Variants in FSTL5 observed in about 807,000 individuals in gnomAD.
FSTL5 encodes the protein follistatin like 5, also known as follistatin-related protein 5.
Under a neutral mutation model 89.1 loss-of-function variants are expected in FSTL5, and 62 were observed. The ratio of observed to expected loss-of-function variants is 0.70; its 90% CI spans 0.57 to 0.86. The LOEUF is 0.86. Ranked by LOEUF, FSTL5 falls within the 40% of genes least tolerant of loss-of-function variation. The pLI is 0.00. For missense variants in FSTL5, 1,057 were observed against 1,001.6 expected, an observed-to-expected ratio of 1.06 and a Z score of -0.75; for synonymous variants, 383 against 346.2, an observed-to-expected ratio of 1.11 and a Z score of -1.18.
intron 6 of FSTL5, among the ~76,000 whole-genome samples, chr4:161,754,054 A>AAAAAC (rs1297283996): frequency 6.6e-6 from 1 of 150,478 alleles, no homozygotes; most frequent in East Asian, 1.9e-4. Flanking sequence ...TTAAAAAAAA[A>AAAAAC]AAAAAAAAAA....
At chr4:161,908,910 T>G (rs1298069930) in intron 4 of FSTL5, among the ~76,000 whole-genome samples, 1 of 152,094 alleles carries the variant, frequency 6.6e-6, no homozygotes, top group African/African-American at 2.4e-5. Flanking sequence ...TCAATCTCCT[T>G]TTTTTGGCAT....
At chr4:162,021,626 T>A (rs1313439598) in intron 3 of FSTL5, among the ~76,000 whole-genome samples, 1 of 152,108 alleles carries the variant, frequency 6.6e-6, no homozygotes, top group African/African-American at 2.4e-5. Context: ...TGAAATCATG[T>A]CTTCTACAGC....
intron 2 of FSTL5, among the ~76,000 whole-genome samples, chr4:162,109,748 G>A (rs998234274): frequency 1.3e-5 from 2 of 151,970 alleles, no homozygotes; most frequent in African/African-American, 4.8e-5. Context: ...TTTTTCTGCC[G>A]TTGATTTAAT....
At chr4:161,910,825 A>C (rs1733668226) in intron 4 of FSTL5, among the ~76,000 whole-genome samples, 1 of 152,086 alleles carries the variant, frequency 6.6e-6, no homozygotes, top group Non-Finnish European at 1.5e-5. Flanking sequence ...TTTCCACTTA[A>C]CTGGACTACA....
chr4:161,731,173 T>G (rs1739594823), intron 6 of FSTL5, among the ~76,000 whole-genome samples: 2 of 152,192 alleles, frequency 1.3e-5, no homozygotes, highest in Admixed American at 1.3e-4. Flanking sequence ...AATCTTGGTG[T>G]GTATACATAT....
intron 1 of FSTL5, among the ~76,000 whole-genome samples, chr4:162,126,076 G>T (rs572225809): frequency 1.7e-4 from 26 of 151,966 alleles, no homozygotes; most frequent in South Asian, 1.2e-3. Context: ...AAATTAATAA[G>T]AATAATAATT....
rs1184820118 is a variant in FSTL5, at chr4:161,423,162, G to T, written c.1841+31842C>A. ...GGAAACAGATTTCAAAGCCATATGG[G>T]ACAATCACCATTTCCCTCATATGGA... On this transcript the variant is annotated intron_variant, in intron 15 of 15. Transcript: ENST00000306100. Among the ~76,000 whole-genome samples, 4 of 152,192 alleles carry T rather than the reference G, an allele frequency of 2.6e-5. No homozygotes were observed. In the East Asian group the frequency reaches 5.8e-4, roughly 22 times the overall value.
chr4:161,479,829 A>T (rs1042499644), intron 13 of FSTL5, among the ~76,000 whole-genome samples: 2 of 152,210 alleles, frequency 1.3e-5, no homozygotes, highest in African/African-American at 2.4e-5. Context: ...TGGAAGTGCC[A>T]GCTCTTCATA....
chr4:162,107,995 T>A (rs556747004), intron 2 of FSTL5, among the ~76,000 whole-genome samples: 16 of 152,276 alleles, frequency 1.1e-4, no homozygotes, highest in African/African-American at 3.6e-4. Flanking sequence ...GATATGAGTA[T>A]GCAATATTTA....
chr4:161,617,727 T>C (rs1343494482), intron 7 of FSTL5, among the ~76,000 whole-genome samples: 1 of 152,160 alleles, frequency 6.6e-6, no homozygotes, highest in Non-Finnish European at 1.5e-5. Context: ...TGAAATGACA[T>C]CTTTAACTCA....
chr4:161,412,615 G>T (rs1351806528), intron 15 of FSTL5, among the ~76,000 whole-genome samples: 2 of 152,116 alleles, frequency 1.3e-5, no homozygotes, highest in Non-Finnish European at 2.9e-5. Context: ...AAACCTGCAG[G>T]TTGTGCATGT....
intron 6 of FSTL5, among the ~76,000 whole-genome samples, chr4:161,755,199 G>T (rs1428920159): frequency 6.6e-6 from 1 of 151,918 alleles, no homozygotes; most frequent in East Asian, 1.9e-4. Flanking sequence ...TTTTAAATAT[G>T]TTAGTAAAAA....
chr4:161,972,574 G>A (rs1412445450), intron 3 of FSTL5, among the ~76,000 whole-genome samples: 1 of 152,086 alleles, frequency 6.6e-6, no homozygotes, highest in African/African-American at 2.4e-5. Flanking sequence ...GGCCCCTAGT[G>A]GAACAGGCCC....
intron 15 of FSTL5, among the ~76,000 whole-genome samples, chr4:161,398,996 A>G (rs1731093316): frequency 1.3e-5 from 2 of 152,156 alleles, no homozygotes; most frequent in Non-Finnish European, 2.9e-5. Context: ...ACACGTTAAA[A>G]AATGTTTATA....
At chr4:161,946,794 A>C (rs1734746325) in intron 3 of FSTL5, among the ~76,000 whole-genome samples, 1 of 152,120 alleles carries the variant, frequency 6.6e-6, no homozygotes, top group African/African-American at 2.4e-5. Flanking sequence ...TAAGACAGTT[A>C]ATTTTATAAT....
intron 1 of FSTL5, among the ~76,000 whole-genome samples, chr4:162,125,957 A>G (rs539251365): frequency 3.2e-4 from 49 of 151,862 alleles, no homozygotes; most frequent in Non-Finnish European, 5.9e-4. Context: ...TTTCAGTATT[A>G]TCTCCTTTTT....
rs78570986 is a variant in FSTL5 at position 161,796,123 on chromosome 4, T to C, written c.410-20049A>G. 4.8e-4 allele frequency among the ~76,000 whole-genome samples: 73 copies of C among 152,108 alleles called. 2 individuals are homozygous for C. The East Asian group carries it at 0.011, about 23-fold the overall frequency. On this transcript the variant is annotated intron_variant, in intron 4 of 15. Transcript: ENST00000306100. Reference sequence around the variant, plus strand: ...TATTTTAACACCAAACTCAACAATGTTTTGTTTAAAGTACCCATTCAAGTT... The same window carrying C: ...TATTTTAACACCAAACTCAACAATGCTTTGTTTAAAGTACCCATTCAAGTT...
intron 7 of FSTL5, among the ~76,000 whole-genome samples, chr4:161,593,049 C>T (rs1206461387): frequency 6.6e-6 from 1 of 152,064 alleles, no homozygotes; most frequent in Non-Finnish European, 1.5e-5. Flanking sequence ...CTTGCCCTTT[C>T]CCAATTTTAA....
chr4:161,960,409 C>T (rs1169901077), intron 3 of FSTL5, among the ~76,000 whole-genome samples: 1 of 151,826 alleles, frequency 6.6e-6, no homozygotes, highest in African/African-American at 2.4e-5. Flanking sequence ...CTCCTGACCT[C>T]AGATGATCTG....
Sources: allele counts gnomAD v4.1 joint callset (sites outside exome capture counted in the v4.1 genomes callset), GRCh38; gene constraint gnomAD v4.1.1; transcripts MANE v1.5; gene names NCBI Gene and HGNC (gene_info 2026-07-23, HGNC 2026-07-21).